Variants in PPP1R14C observed in about 807,000 individuals in gnomAD.
The protein encoded by PPP1R14C is protein phosphatase 1 regulatory inhibitor subunit 14C.
PPP1R14C carries 16 observed loss-of-function variants against 20.4 expected under a neutral mutation model. That is an observed-to-expected ratio of 0.78 (90% CI 0.53 to 1.19). PPP1R14C has a LOEUF of 1.19. PPP1R14C is among the 50% of genes most tolerant of loss of function. The probability of loss-of-function intolerance (pLI) is 0.00; values close to 1 mark genes in which losing one functional copy is unlikely to be tolerated. For synonymous variants in PPP1R14C, 91 were observed against 91.0 expected, an observed-to-expected ratio of 1.00 and a Z score of 0.00; for missense variants, 211 against 220.1, an observed-to-expected ratio of 0.96 and a Z score of 0.26.
intron 1 of PPP1R14C, among the ~76,000 whole-genome samples, chr6:150,189,050 G>A (rs1777711736): frequency 6.6e-6 from 1 of 151,680 alleles, no homozygotes; most frequent in African/African-American, 2.4e-5. Context: ...GTAGAGACAG[G>A]ATTTTGCCAT....
intron 1 of PPP1R14C, among the ~76,000 whole-genome samples, chr6:150,205,518 C>T (rs549981702): frequency 2.0e-5 from 3 of 152,204 alleles, no homozygotes; most frequent in East Asian, 1.9e-4. Context: ...GATAAGAGTT[C>T]GTTTGTAAGA....
chr6:150,158,767 C>G (rs538354247), intron 1 of PPP1R14C, among the ~76,000 whole-genome samples: 2 of 152,146 alleles, frequency 1.3e-5, no homozygotes, highest in Non-Finnish European at 2.9e-5. Context: ...GGGCACAAGC[C>G]CTCTCCTGCC....
intron 1 of PPP1R14C, among the ~76,000 whole-genome samples, chr6:150,189,701 G>T (rs747641423): frequency 6.6e-6 from 1 of 152,122 alleles, no homozygotes; most frequent in African/African-American, 2.4e-5. Flanking sequence ...GAACATTTCT[G>T]ACTTTATATT....
chr6:150,209,331 T>C (rs1001883509), intron 1 of PPP1R14C, among the ~76,000 whole-genome samples: 8 of 152,172 alleles, frequency 5.3e-5, no homozygotes, highest in African/African-American at 1.7e-4. Flanking sequence ...TGGGCAGGGG[T>C]GAACGTTTAT....
chr6:150,246,822 A>T (rs1778498073), intron 3 of PPP1R14C, among the ~76,000 whole-genome samples: 1 of 152,228 alleles, frequency 6.6e-6, no homozygotes. Context: ...ATAACCACTA[A>T]CATTAATTTT....
At chr6:150,204,215 G>A (rs914159145) in intron 1 of PPP1R14C, among the ~76,000 whole-genome samples, 4 of 152,202 alleles carry the variant, frequency 2.6e-5, no homozygotes, top group African/African-American at 9.6e-5. Context: ...TTTAGCAACT[G>A]TCTCAGCCGT....
At chr6:150,211,109 T>C (rs1426012312) in intron 1 of PPP1R14C, among the ~76,000 whole-genome samples, 2 of 145,508 alleles carry the variant, frequency 1.4e-5, no homozygotes, top group Non-Finnish European at 1.6e-5. Context: ...TGCCTGCCCC[T>C]GGCGGAGTTT....
At chr6:150,247,918 A>C (rs1212239017) in intron 3 of PPP1R14C, among the ~76,000 whole-genome samples, 2 of 152,204 alleles carry the variant, frequency 1.3e-5, no homozygotes, top group Non-Finnish European at 2.9e-5. Flanking sequence ...CTGTAAGAGA[A>C]TATCACAGGC....
intron 3 of PPP1R14C, among the ~76,000 whole-genome samples, chr6:150,235,675 C>T (rs1778351612): frequency 6.6e-6 from 1 of 152,210 alleles, no homozygotes; most frequent in African/African-American, 2.4e-5. Flanking sequence ...GCACTCTATT[C>T]TTCCTTTCCT....
At chr6:150,197,143 G>A (rs570430821) in intron 1 of PPP1R14C, among the ~76,000 whole-genome samples, 2 of 152,214 alleles carry the variant, frequency 1.3e-5, no homozygotes, top group Middle Eastern at 3.2e-3. Flanking sequence ...ACTGGAGAAG[G>A]TTACAAGGAT....
At position 150,163,828 on chromosome 6, in the gene PPP1R14C, C is replaced by T. The variant is rs142635991; in HGVS notation, c.306+20330C>T. 5.0e-3 allele frequency among the ~76,000 whole-genome samples: 762 copies of T among 152,180 alleles called. 5 individuals are homozygous for T. Among genetic ancestry groups the T allele is most frequent in the African/African-American group, 0.018 (729 of 41,498 alleles). On this transcript the variant is annotated intron_variant, in intron 1 of 3. Coordinates refer to ENST00000361131, the MANE Select transcript of PPP1R14C (RefSeq NM_030949.3). ...GTTTTGAGCTATTCTGAATTGAGCT[C>T]CCGAGAATATTATTGCGTATGTCTT...
At chr6:150,174,486 G>C (rs1777538349) in intron 1 of PPP1R14C, among the ~76,000 whole-genome samples, 1 of 151,882 alleles carries the variant, frequency 6.6e-6, no homozygotes, top group Non-Finnish European at 1.5e-5. Context: ...AAAGTGCTGG[G>C]ATTACAGGCG....
Position 150,249,786 on chromosome 6 carries a change from G to C in PPP1R14C, c.*966G>C, listed in dbSNP as rs867143313. 2.7e-5 allele frequency: 10 copies of C among 372,614 alleles called. No homozygotes were observed. The Middle Eastern group carries it at 4.7e-3, about 175-fold the overall frequency. 23.1% of individuals were successfully genotyped at this position (372,614 alleles called of 1,614,324 possible). A position where few individuals can be genotyped will look rare whatever the true frequency, so the allele number is the denominator to read the frequency against. ...TCTTCCTTAGAAATAGGTTCTGGTAGCTTCTGTGCCTGGGTAGTATCAGAC... is the reference window on the plus strand; with the variant it reads ...TCTTCCTTAGAAATAGGTTCTGGTACCTTCTGTGCCTGGGTAGTATCAGAC... On this transcript the variant is annotated 3_prime_UTR_variant, in exon 4 of 4. Transcript: ENST00000361131.
At chr6:150,180,642 G>A (rs752926729) in intron 1 of PPP1R14C, among the ~76,000 whole-genome samples, 3 of 152,138 alleles carry the variant, frequency 2.0e-5, no homozygotes, top group Admixed American at 6.5e-5. Context: ...TGGAAGAGTT[G>A]TTTTAGGCAT....
intron 3 of PPP1R14C, among the ~76,000 whole-genome samples, chr6:150,246,097 A>G (rs367879065): frequency 5.9e-5 from 9 of 152,194 alleles, no homozygotes; most frequent in Admixed American, 1.3e-4. Context: ...TTTGTGAGAA[A>G]GTTTGAATTT....
Position 150,209,640 on chromosome 6 carries a change from G to A in PPP1R14C, c.307-5104G>A, listed in dbSNP as rs762209890. ...GTGTGGAGTGTGTGTATTCATGTTT[G>A]TGTATTCATCCATGTGTGTATTCAC... On this transcript the variant is annotated intron_variant, in intron 1 of 3. Transcript: ENST00000361131. Among the ~76,000 whole-genome samples the A allele has an allele frequency of 3.3e-5, 5 of 151,486 alleles. No individual in the cohort carries two copies. In the East Asian group the frequency reaches 9.7e-4, roughly 29 times the overall value.
At chr6:150,210,777 G>T (rs1042435968) in intron 1 of PPP1R14C, among the ~76,000 whole-genome samples, 1 of 152,182 alleles carries the variant, frequency 6.6e-6, no homozygotes, top group Non-Finnish European at 1.5e-5. Context: ...GTGACAGGAG[G>T]TGGGAATGGC....
intron 1 of PPP1R14C, among the ~76,000 whole-genome samples, chr6:150,198,429 G>T (rs879780883): frequency 1.3e-5 from 2 of 152,258 alleles, no homozygotes; most frequent in Admixed American, 1.3e-4. Flanking sequence ...ATCCTCTCCA[G>T]GGAGGGGAGA....
rs1241199984 is a variant in PPP1R14C at position 150,155,283 on chromosome 6, CTT to C, written c.306+11786_306+11787del. On this transcript the variant is annotated intron_variant, in intron 1 of 3. Coordinates refer to ENST00000361131, the MANE Select transcript of PPP1R14C (RefSeq NM_030949.3). Reference sequence around the variant, plus strand: ...TAATAGGATGGGATAACAAGAAAAACTTAAGATTTTTTATGGACAGTTCTGGC... The same window carrying C: ...TAATAGGATGGGATAACAAGAAAAACAAGATTTTTTATGGACAGTTCTGGC... Among the ~76,000 whole-genome samples, 7 of 152,214 alleles carry C rather than the reference CTT, an allele frequency of 4.6e-5. No homozygotes were observed. The East Asian group carries it at 1.4e-3, about 29-fold the overall frequency.
Sources: gnomAD v4.1 joint callset for allele counts (sites outside exome capture counted in the v4.1 genomes callset) on GRCh38, gnomAD v4.1.1 for gene constraint, MANE v1.5 for transcripts, NCBI Gene and HGNC (gene_info 2026-07-23, HGNC 2026-07-21) for gene names.